GLRA1: variants seen among roughly 807,000 people sequenced by gnomAD.
GLRA1 encodes the protein glycine receptor alpha 1.
GLRA1 carries 37 observed loss-of-function variants against 48.3 expected under a neutral mutation model. That is an observed-to-expected ratio of 0.77 (90% confidence interval 0.59 to 1.01). The LOEUF is 1.01. Among genes scored for constraint, GLRA1 ranks in the 50% least tolerant of loss-of-function variants. GLRA1 has a pLI of 0.00. For missense variants in GLRA1, 427 were observed against 571.0 expected, an observed-to-expected ratio of 0.75 and a Z score of 2.57; for synonymous variants, 196 against 210.7, an observed-to-expected ratio of 0.93 and a Z score of 0.60.
At chr5:151,845,351 G>T (rs1752645472) in intron 7 of GLRA1, among the ~76,000 whole-genome samples, 1 of 152,114 alleles carries the variant, frequency 6.6e-6, no homozygotes, top group Admixed American at 6.5e-5. Flanking sequence ...AATACATAAA[G>T]AACTATTACA....
chr5:151,835,957 C>A (rs576792591), intron 7 of GLRA1, among the ~76,000 whole-genome samples: 1 of 152,188 alleles, frequency 6.6e-6, no homozygotes, highest in Admixed American at 6.5e-5. Context: ...AAGTGCTGGC[C>A]AGGGCAGTCA....
intron 3 of GLRA1, among the ~76,000 whole-genome samples, chr5:151,883,200 A>G (rs1210320768): frequency 6.6e-6 from 1 of 152,160 alleles, no homozygotes; most frequent in Non-Finnish European, 1.5e-5. Flanking sequence ...TCCTGTCGGA[A>G]GATTATTTCT....
Position 151,829,945 on chromosome 5 carries a change from AC to A in GLRA1, c.913-879del, listed in dbSNP as rs562823912. Among the ~76,000 whole-genome samples, 37 of 152,356 alleles carry A rather than the reference AC, an allele frequency of 2.4e-4. No homozygotes were observed. In the South Asian group the frequency reaches 6.8e-3, roughly 28 times the overall value. On this transcript the variant is annotated intron_variant, in intron 7 of 8. Coordinates refer to ENST00000274576, the MANE Select transcript of GLRA1 (RefSeq NM_000171.4). ...GAATAATACCCTGTTTTATGGATAT[AC>A]AACATTCTGTTTATCCATTAATCAG...
At chr5:151,911,852 C>T (rs1754619882) in intron 1 of GLRA1, among the ~76,000 whole-genome samples, 1 of 152,014 alleles carries the variant, frequency 6.6e-6, no homozygotes, top group South Asian at 2.1e-4. Flanking sequence ...TCGTGATCTG[C>T]CTGCCTTGGC....
At chr5:151,860,086 GC>G in intron 3 of GLRA1, 78 bp from the exon 4 acceptor site, 1 of 1,063,810 alleles carries the variant, frequency 9.4e-7, no homozygotes, top group Non-Finnish European at 1.5e-6. Flanking sequence ...GGTGCTTTTG[GC>G]CAGTAAAACC....
At chr5:151,922,693 A>T (rs1754907768) in intron 1 of GLRA1, among the ~76,000 whole-genome samples, 1 of 152,266 alleles carries the variant, frequency 6.6e-6, no homozygotes, top group African/African-American at 2.4e-5. Context: ...AACACAGTGG[A>T]TTCATAACCT....
chr5:151,909,455 G>A (rs1029904569), intron 1 of GLRA1, among the ~76,000 whole-genome samples: 45 of 152,162 alleles, frequency 3.0e-4, no homozygotes, highest in African/African-American at 1.1e-3. Flanking sequence ...AGTTTAAGAA[G>A]TCCTTCTGAT....
At chr5:151,898,302 C>A (rs893605003) in intron 1 of GLRA1, among the ~76,000 whole-genome samples, 2 of 151,898 alleles carry the variant, frequency 1.3e-5, no homozygotes, top group South Asian at 2.1e-4. Flanking sequence ...TTCTTCCTCA[C>A]CTAGTCTCAA....
intron 2 of GLRA1, among the ~76,000 whole-genome samples, chr5:151,891,666 C>T (rs1199628206): frequency 6.6e-6 from 1 of 152,144 alleles, no homozygotes; most frequent in African/African-American, 2.4e-5. Flanking sequence ...ATCTACCCAA[C>T]CCTGGTAGGC....
chr5:151,823,212 G>T (rs777826219), intron 8 of GLRA1, among the ~76,000 whole-genome samples: 8 of 152,138 alleles, frequency 5.3e-5, no homozygotes, highest in Admixed American at 2.6e-4. Flanking sequence ...GGAGACCTGT[G>T]TTCAAGTCCC....
chr5:151,898,607 G>T (rs772576948), intron 1 of GLRA1, among the ~76,000 whole-genome samples: 151 of 152,084 alleles, frequency 9.9e-4, no homozygotes, highest in Admixed American at 3.5e-3. Flanking sequence ...AGGAGGTCAG[G>T]ATGGAAAAGG....
rs112776470 is a variant in GLRA1 at position 151,904,449 on chromosome 5, G to A, written c.57-12011C>T. Reference sequence around the variant, plus strand: ...TATCTGTTGCAATTCTTCCTTGTATGATCTTGGGCAAGTCCTTTACTACAC... The same window carrying A: ...TATCTGTTGCAATTCTTCCTTGTATAATCTTGGGCAAGTCCTTTACTACAC... On this transcript the variant is annotated intron_variant, in intron 1 of 8. Coordinates refer to ENST00000274576, the MANE Select transcript of GLRA1 (RefSeq NM_000171.4). Among the ~76,000 whole-genome samples the A allele has an allele frequency of 5.3e-3, 806 of 152,326 alleles. 7 individuals are homozygous for A. The highest frequency in any genetic ancestry group is 0.018 in the African/African-American group (765 of 41,554).
intron 3 of GLRA1, 102 bp downstream of exon 3, chr5:151,886,619 G>T: frequency 1.1e-6 from 1 of 887,538 alleles, no homozygotes; most frequent in South Asian, 1.3e-5. Flanking sequence ...GAAAAACCCA[G>T]CTGATTCCCC....
intron 1 of GLRA1, among the ~76,000 whole-genome samples, chr5:151,905,617 C>G (rs557324480): frequency 6.6e-6 from 1 of 152,188 alleles, no homozygotes; most frequent in Admixed American, 6.5e-5. Context: ...ATTTCTGAGG[C>G]AGAAAGGCCA....
At chr5:151,852,012 T>A (rs1187986954) in intron 6 of GLRA1, among the ~76,000 whole-genome samples, 2 of 152,214 alleles carry the variant, frequency 1.3e-5, no homozygotes, top group Non-Finnish European at 2.9e-5. Flanking sequence ...TCCCAAAACA[T>A]GACTTGTTCC....
chr5:151,854,212 T>C (rs1455689542), intron 6 of GLRA1, among the ~76,000 whole-genome samples: 1 of 152,202 alleles, frequency 6.6e-6, no homozygotes, highest in Non-Finnish European at 1.5e-5. Flanking sequence ...TTCTGAAACA[T>C]CTCTGAGGTG....
At chr5:151,912,528 C>T (rs752947926) in intron 1 of GLRA1, among the ~76,000 whole-genome samples, 2 of 152,126 alleles carry the variant, frequency 1.3e-5, no homozygotes, top group South Asian at 2.1e-4. Flanking sequence ...GCAACAGCTA[C>T]GGAGCCAGGG....
rs76587890 is a variant in GLRA1 at position 151,923,960 on chromosome 5, G to A, written c.56+534C>T. On this transcript the variant is annotated intron_variant, in intron 1 of 8. Transcript: ENST00000274576. The stretch of plus-strand genomic sequence containing the variant: ...GCCTTAGTAATCCCCCTCCCTCTTC[G>A]CAGAAAAAGAAAACAACAGCAAAAA... 5.1e-3 allele frequency among the ~76,000 whole-genome samples: 778 copies of A among 152,054 alleles called. 12 individuals carry two copies. Among genetic ancestry groups the A allele is most frequent in the African/African-American group, 0.018 (746 of 41,420 alleles).
intron 1 of GLRA1, 124 bp downstream of exon 1, chr5:151,924,370 A>G: frequency 2.6e-6 from 2 of 762,108 alleles, no homozygotes; most frequent in Admixed American, 3.5e-5. Context: ...GGATGGAAGG[A>G]CCCGATTGCA....
Sources: gnomAD v4.1 joint callset for allele counts (sites outside exome capture counted in the v4.1 genomes callset) on GRCh38, gnomAD v4.1.1 for gene constraint, MANE v1.5 for transcripts, NCBI Gene and HGNC (gene_info 2026-07-23, HGNC 2026-07-21) for gene names.